Variants in AMPH observed in about 807,000 individuals in gnomAD.
AMPH encodes amphiphysin.
Under a neutral mutation model 99.1 loss-of-function variants are expected in AMPH, and 49 were observed. The observed-to-expected ratio is 0.49, with a 90% CI of 0.39 to 0.63. AMPH has a LOEUF of 0.63. Among genes scored for constraint, AMPH ranks in the 20% least tolerant of loss-of-function variants. The pLI is 0.00. For synonymous variants in AMPH, 314 were observed against 317.3 expected, an observed-to-expected ratio of 0.99 and a Z score of 0.11; for missense variants, 759 against 863.4, an observed-to-expected ratio of 0.88 and a Z score of 1.52.
intron 1 of AMPH, among the ~76,000 whole-genome samples, chr7:38,537,835 G>A (rs991529091): frequency 6.6e-6 from 1 of 152,122 alleles, no homozygotes; most frequent in Non-Finnish European, 1.5e-5. Context: ...AAAATCTGGA[G>A]CCAAAAAAAG....
chr7:38,610,363 G>GAA (rs1562860675), intron 1 of AMPH, among the ~76,000 whole-genome samples: 1 of 39,834 alleles, frequency 2.5e-5, no homozygotes, highest in African/African-American at 1.3e-4. Context: ...GAAAAGAAAA[G>GAA]AAAAGAAAAG....
chr7:38,428,670 T>G (rs747584000), intron 14 of AMPH: 1 of 456,742 alleles, frequency 2.2e-6, no homozygotes, highest in South Asian at 1.5e-5. Context: ...AGAGTAGGTC[T>G]GGAGAGATGG....
intron 1 of AMPH, among the ~76,000 whole-genome samples, chr7:38,628,735 T>C (rs2129073798): frequency 6.6e-6 from 1 of 152,358 alleles, no homozygotes; most frequent in Middle Eastern, 3.4e-3. Context: ...GTAGTAGAAT[T>C]ATGTGCTTCG....
At chr7:38,418,007 CAT>C in intron 16 of AMPH, 57 bp from the exon 17 acceptor site, 1 of 1,573,558 alleles carries the variant, frequency 6.4e-7, no homozygotes, top group Non-Finnish European at 8.7e-7. Flanking sequence ...AAATAGATAA[CAT>C]TACAGAATAC....
chr7:38,495,076 C>A (rs1477005547), intron 3 of AMPH, among the ~76,000 whole-genome samples: 2 of 151,922 alleles, frequency 1.3e-5, no homozygotes, highest in Non-Finnish European at 2.9e-5. Flanking sequence ...TTACAAAGAA[C>A]AAAGAAAAAA....
At position 38,394,186 on chromosome 7, in the gene AMPH, G is replaced by T. The variant is rs1269368587; in HGVS notation, c.1427C>A (p.Ala476Asp). 1 of 1,614,222 alleles carries T rather than the reference G, an allele frequency of 6.2e-7. No individual in the cohort carries two copies. Among genetic ancestry groups the T allele is most frequent in the Non-Finnish European group, 8.5e-7 (1 of 1,180,046 alleles). ...AGCTGCTGACACCAAGGTTCCAACAGCTGCATCAGCATCAGCTCCAGGTAT... is the reference window on the plus strand; with the variant it reads ...AGCTGCTGACACCAAGGTTCCAACATCTGCATCAGCATCAGCTCCAGGTAT... Reference protein sequence around the residue: ...VIIPGADADAAVGTLVSAAEG... With the variant: ...VIIPGADADADVGTLVSAAEG... The change falls in exon 18 of 21, where the codon GCT becomes GAT. Residue 476 changes from alanine to aspartate, a missense_variant. Transcript: ENST00000356264.
intron 1 of AMPH, among the ~76,000 whole-genome samples, chr7:38,610,790 T>G (rs867643165): frequency 6.6e-6 from 1 of 151,984 alleles, no homozygotes; most frequent in Non-Finnish European, 1.5e-5. Flanking sequence ...TTTAGTAACA[T>G]AGCAAACAAA....
At chr7:38,392,381 T>TTTTTC (rs1784532289) in intron 18 of AMPH, among the ~76,000 whole-genome samples, 1 of 13,276 alleles carries the variant, frequency 7.5e-5, no homozygotes, top group South Asian at 6.1e-3. Context: ...CTGGTTCTTT[T>TTTTTC]TTTTTTTTTT....
chr7:38,413,847 T>C (rs141134986), intron 17 of AMPH, among the ~76,000 whole-genome samples: 10 of 152,334 alleles, frequency 6.6e-5, no homozygotes, highest in Admixed American at 5.9e-4. Flanking sequence ...TCTGACATAC[T>C]GAGAGATCAC....
At chr7:38,568,879 A>T (rs2004204) in intron 1 of AMPH, among the ~76,000 whole-genome samples, 52,333 of 152,010 alleles carry the variant, frequency 0.34, 9,154 homozygotes, top group Admixed American at 0.38. Flanking sequence ...ATAAACATGT[A>T]AGAATTGCCC....
At chr7:38,514,517 C>G (rs4723764) in intron 2 of AMPH, among the ~76,000 whole-genome samples, 1 of 152,060 alleles carries the variant, frequency 6.6e-6, no homozygotes, top group Non-Finnish European at 1.5e-5. Flanking sequence ...ATTTAATTGC[C>G]GTTGTAACAG....
chr7:38,594,200 T>C (rs1483394144), intron 1 of AMPH, among the ~76,000 whole-genome samples: 1 of 152,142 alleles, frequency 6.6e-6, no homozygotes, highest in Non-Finnish European at 1.5e-5. Context: ...AAAGTAGAGC[T>C]GCCATGATTT....
At chr7:38,530,265 T>C (rs1320782944) in intron 2 of AMPH, among the ~76,000 whole-genome samples, 1 of 152,222 alleles carries the variant, frequency 6.6e-6, no homozygotes, top group Non-Finnish European at 1.5e-5. Context: ...GGCCCAGCTT[T>C]AAACATCTGC....
chr7:38,587,954 G>A (rs535617362), intron 1 of AMPH, among the ~76,000 whole-genome samples: 6 of 148,634 alleles, frequency 4.0e-5, no homozygotes, highest in East Asian at 2.0e-4. Context: ...GTGTGTGCGC[G>A]TGTGTGTGTG....
Position 38,391,830 on chromosome 7 carries a change from G to T in AMPH, c.1796C>A (p.Ser599Tyr), listed in dbSNP as rs745635746. ...KPIQDPQPTP[S>Y]APAMGAADQL... The stretch of plus-strand genomic sequence containing the variant: ...GTCAGCAGCCCCCATGGCTGGTGCA[G>T]AAGGCGTGGGCTGAGGGTCCTGGAT... The change falls in exon 19 of 21, where the codon TCT becomes TAT. Residue 599 changes from serine to tyrosine, a missense_variant. Ser to Tyr is a moderately radical substitution (Grantham distance 144, BLOSUM62 -2). This residue lies in a region of AMPH where 554 missense variants were observed against 575.6 expected (regional missense o/e 0.96). Transcript: ENST00000356264. 2 of 1,613,786 alleles carry T rather than the reference G, an allele frequency of 1.2e-6. No homozygotes were observed. The highest frequency in any genetic ancestry group is 1.7e-6 in the Non-Finnish European group (2 of 1,179,984).
intron 1 of AMPH, among the ~76,000 whole-genome samples, chr7:38,615,399 G>C (rs964795330): frequency 1.1e-4 from 17 of 152,092 alleles, no homozygotes; most frequent in Non-Finnish European, 1.6e-4. Context: ...CCTTCATTAA[G>C]TCTAAAAAGG....
intron 5 of AMPH, 41 bp from the exon 6 acceptor site, chr7:38,477,010 CA>C: frequency 1.9e-6 from 3 of 1,576,738 alleles, no homozygotes; most frequent in Non-Finnish European, 2.6e-6. Context: ...GAAGCATGGA[CA>C]TAAGAGTCTC....
intron 1 of AMPH, among the ~76,000 whole-genome samples, chr7:38,569,886 A>G (rs147283790): frequency 1.1e-3 from 160 of 152,368 alleles, no homozygotes; most frequent in African/African-American, 3.7e-3. Context: ...ATAAAAACAG[A>G]AAACCAAAAT....
At chr7:38,594,079 C>G (rs544169495) in intron 1 of AMPH, among the ~76,000 whole-genome samples, 30 of 152,126 alleles carry the variant, frequency 2.0e-4, no homozygotes, top group Middle Eastern at 3.4e-3. Flanking sequence ...TGCAGGGGGT[C>G]ACGGGAAGAA....
Sources: gnomAD v4.1 joint callset for allele counts (sites outside exome capture counted in the v4.1 genomes callset) on GRCh38, gnomAD v4.1.1 for gene constraint, gnomAD v4.1.1 regional missense constraint, MANE v1.5 for transcripts, NCBI Gene and HGNC (gene_info 2026-07-23, HGNC 2026-07-21) for gene names.